The following CWC22 variants were observed in gnomAD, a reference collection of about 807,000 sequenced individuals.
CWC22 encodes pre-mRNA-splicing factor CWC22 homolog.
CWC22 carries 53 observed loss-of-function variants against 117.2 expected under a neutral mutation model. That is an observed-to-expected ratio of 0.45 (90% confidence interval 0.36 to 0.57). The LOEUF is 0.57. CWC22 is among the 20% of genes least tolerant of loss of function. CWC22 has a pLI of 0.00. For missense variants in CWC22, 980 were observed against 1,068.8 expected (o/e 0.92, Z 1.16); for synonymous variants, 360 against 355.6 (o/e 1.01, Z -0.14).
At position 179,964,597 on chromosome 2, in the gene CWC22, T is replaced by C. The variant is rs112121604; in HGVS notation, c.1347A>G (p.Glu449=). 129 of 1,564,400 alleles carry C rather than the reference T, an allele frequency of 8.2e-5. No homozygotes were observed. The African/African-American group carries it at 1.5e-3, about 18-fold the overall frequency. ...TACGACGAAATGAGACCAGGTTAATTTCTGTTTTGTCATGAATAGTTACTT... is the reference window on the plus strand; with the variant it reads ...TACGACGAAATGAGACCAGGTTAATCTCTGTTTTGTCATGAATAGTTACTT... ...GQKVTIHDKT[E]INLVSFRRTI... The change falls in exon 13 of 20, where the codon GAA becomes GAG. Residue 449 remains glutamate, a synonymous_variant. Coordinates refer to ENST00000410053, the MANE Select transcript of CWC22 (RefSeq NM_020943.3).
intron 13 of CWC22, among the ~76,000 whole-genome samples, chr2:179,963,638 G>A (rs1361197594): frequency 4.6e-5 from 7 of 151,990 alleles, no homozygotes; most frequent in South Asian, 2.1e-4. Context: ...CACCGCGCCC[G>A]GCCATATTTA....
At chr2:179,990,325 A>T (rs1687528451) in intron 2 of CWC22, among the ~76,000 whole-genome samples, 1 of 152,216 alleles carries the variant, frequency 6.6e-6, no homozygotes, top group Non-Finnish European at 1.5e-5. Context: ...TACAAAGCAC[A>T]AGATTCATTC....
rs3030021 is a variant in CWC22, at chr2:179,993,004, TACAC to T, written c.27+307_27+310del. On this transcript the variant is annotated intron_variant, in intron 2 of 19. Coordinates refer to ENST00000410053, the MANE Select transcript of CWC22 (RefSeq NM_020943.3). ...CCCCTGACGCATGCATCCATGTGTA[TACAC>T]ACACACACACGCGCACACACACGTA... Among the ~76,000 whole-genome samples, 1,125 of 151,930 alleles carry T rather than the reference TACAC, an allele frequency of 7.4e-3. 9 individuals are homozygous for T. The highest frequency in any genetic ancestry group is 0.024 in the African/African-American group (990 of 41,446).
intron 14 of CWC22, among the ~76,000 whole-genome samples, chr2:179,955,628 T>C (rs981612937): frequency 6.6e-6 from 1 of 152,014 alleles, no homozygotes; most frequent in Non-Finnish European, 1.5e-5. Flanking sequence ...CCTATCTATA[T>C]GGATCTATAC....
At position 180,001,691 on chromosome 2, in the gene CWC22, CCACAGCACTTACCAATGTTA is replaced by C. The variant is rs779739659; in HGVS notation, c.-114+5156_-114+5175del. ...AATTCAGCTTTCCCTTCCCACTACT[CCACAGCACTTACCAATGTTA>C]CACAGTAACTTTTTTTCTTGTTGCT... is the stretch of plus-strand genomic sequence containing the variant. On this transcript the variant is annotated intron_variant, in intron 1 of 19. Coordinates refer to ENST00000410053, the MANE Select transcript of CWC22 (RefSeq NM_020943.3). Among the ~76,000 whole-genome samples, 181 of 152,294 alleles carry C rather than the reference CCACAGCACTTACCAATGTTA, an allele frequency of 1.2e-3. 1 individual carries two copies. Among genetic ancestry groups the C allele is most frequent in the Non-Finnish European group, 2.2e-3 (149 of 68,026 alleles).
At chr2:179,980,128 T>TTGGAC (rs1168095069) in intron 5 of CWC22, among the ~76,000 whole-genome samples, 5 of 152,178 alleles carry the variant, frequency 3.3e-5, no homozygotes, top group African/African-American at 1.2e-4. Flanking sequence ...CAGGATTGCT[T>TTGGAC]TGGACTGGAC....
At chr2:179,987,977 T>C (rs1206027531) in intron 3 of CWC22, among the ~76,000 whole-genome samples, 1 of 152,194 alleles carries the variant, frequency 6.6e-6, no homozygotes, top group Non-Finnish European at 1.5e-5. Flanking sequence ...GATGAAACTG[T>C]TCCACCTCAA....
intron 14 of CWC22, among the ~76,000 whole-genome samples, chr2:179,955,754 A>C (rs1575639502): frequency 6.6e-6 from 1 of 152,172 alleles, no homozygotes; most frequent in African/African-American, 2.4e-5. Flanking sequence ...CAGTCAAGAA[A>C]TACTATCATC....
intron 4 of CWC22, among the ~76,000 whole-genome samples, chr2:179,985,798 T>C (rs1353053396): frequency 6.6e-6 from 1 of 150,996 alleles, no homozygotes; most frequent in Non-Finnish European, 1.5e-5. Context: ...ATCATAGGTA[T>C]GTATGTATTG....
At chr2:179,981,658 G>A (rs1687290977) in intron 5 of CWC22, 94 bp downstream of exon 5, 5 of 1,055,078 alleles carry the variant, frequency 4.7e-6, no homozygotes, top group Admixed American at 2.2e-5. Context: ...ATAGACTAAC[G>A]TAAATTCTCA....
chr2:179,970,588 TTTA>T, intron 10 of CWC22, 25 bp from the exon 11 acceptor site: 1 of 1,555,268 alleles, frequency 6.4e-7, no homozygotes, highest in East Asian at 2.4e-5. Context: ...AAAGTTAATG[TTTA>T]TTTTCTATAT....
At position 179,970,640 on chromosome 2, in the gene CWC22, C is replaced by G; in HGVS notation, c.1147+10G>C. 2 of 1,609,568 alleles carry G rather than the reference C, an allele frequency of 1.2e-6. No homozygotes were observed. The highest frequency in any genetic ancestry group is 1.7e-6 in the Non-Finnish European group (2 of 1,177,548). ...TAAGCCTCTTTCCAACTAACATGCC[C>G]CGGACTTACTAAGAACATCTTCTGG... On this transcript the variant is annotated intron_variant, in intron 10 of 19. Transcript: ENST00000410053.
At chr2:180,001,890 C>T (rs1687857475) in intron 1 of CWC22, among the ~76,000 whole-genome samples, 1 of 152,162 alleles carries the variant, frequency 6.6e-6, no homozygotes, top group African/African-American at 2.4e-5. Context: ...TTAGTATTTG[C>T]TCATGAATTT....
At position 179,945,711 on chromosome 2, in the gene CWC22, A is replaced by C; in HGVS notation, c.2145T>G (p.Asn715Lys). The C allele has an allele frequency of 6.5e-7, 1 of 1,544,732 alleles. No individual in the cohort carries two copies. The highest frequency in any genetic ancestry group is 1.2e-5 in the South Asian group (1 of 84,376). Residue 715 changes from asparagine to lysine, a missense_variant, in exon 20 of 20, where the codon AAT becomes AAG. By Grantham distance (94) the Asn-to-Lys change is moderately conservative (BLOSUM62 0). Transcript: ENST00000410053. ...TCCCATGTCCCTTCTTTCTTACATCATTAGCTGCGTGTGTAAAATAAAAGA... is the reference window on the plus strand; with the variant it reads ...TCCCATGTCCCTTCTTTCTTACATCCTTAGCTGCGTGTGTAAAATAAAAGA... ...SISSHSSASA[N>K]DVRKKGHGKT...
intron 1 of CWC22, among the ~76,000 whole-genome samples, chr2:179,993,742 T>C (rs1687630247): frequency 6.6e-6 from 1 of 152,050 alleles, no homozygotes; most frequent in African/African-American, 2.4e-5. Flanking sequence ...TTATTAAAAA[T>C]GTTCTCATAG....
At chr2:179,961,181 A>G (rs1686739052) in intron 13 of CWC22, among the ~76,000 whole-genome samples, 1 of 152,040 alleles carries the variant, frequency 6.6e-6, no homozygotes, top group South Asian at 2.1e-4. Flanking sequence ...AATTTAAAAT[A>G]TCATCAGTAT....
At chr2:179,997,355 G>A (rs969838282) in intron 1 of CWC22, among the ~76,000 whole-genome samples, 2 of 151,816 alleles carry the variant, frequency 1.3e-5, no homozygotes, top group African/African-American at 4.8e-5. Context: ...AGCTTAAAAG[G>A]CTACAAATTA....
intron 2 of CWC22, among the ~76,000 whole-genome samples, chr2:179,990,135 A>G (rs1046604725): frequency 4.6e-5 from 7 of 152,202 alleles, no homozygotes; most frequent in Non-Finnish European, 8.8e-5. Flanking sequence ...ATCAAAATTG[A>G]TAACTTAAAG....
chr2:179,952,156 G>T (rs1686466251), intron 17 of CWC22, among the ~76,000 whole-genome samples: 1 of 151,948 alleles, frequency 6.6e-6, no homozygotes, highest in African/African-American at 2.4e-5. Context: ...TCATTCTAAG[G>T]CTTAAAATTA....
Sources: allele counts gnomAD v4.1 joint callset (sites outside exome capture counted in the v4.1 genomes callset), GRCh38; gene constraint gnomAD v4.1.1; transcripts MANE v1.5; gene names NCBI Gene and HGNC (gene_info 2026-07-23, HGNC 2026-07-21).